DLEU7: variants seen among roughly 807,000 people sequenced by gnomAD.
DLEU7 encodes the protein deleted in lymphocytic leukemia 7.
Under a neutral mutation model 16.0 loss-of-function variants are expected in DLEU7, and 17 were observed. The ratio of observed to expected loss-of-function variants is 1.06; its 90% CI spans 0.73 to 1.59. The LOEUF is 1.59. Among genes scored for constraint, DLEU7 ranks in the 40% most tolerant of loss-of-function variants. The pLI is 0.00. For missense variants in DLEU7, 308 were observed against 314.9 expected (o/e 0.98, Z 0.17); for synonymous variants, 113 against 139.8 (o/e 0.81, Z 1.35).
At chr13:50,814,235 A>G (rs1387542245) in intron 1 of DLEU7, among the ~76,000 whole-genome samples, 1 of 152,108 alleles carries the variant, frequency 6.6e-6, no homozygotes, top group Non-Finnish European at 1.5e-5. Flanking sequence ...CTACAAGGTA[A>G]TCCAGTCTCA....
In DLEU7 at chr13:50,739,214, G is replaced by C. The variant is rs545313904; in HGVS notation, c.460-25974C>G. 5.3e-5 allele frequency among the ~76,000 whole-genome samples: 8 copies of C among 152,224 alleles called. No individual in the cohort carries two copies. In the East Asian group the frequency reaches 1.5e-3, roughly 29 times the overall value. ...AGTAAATTCTTCTCGGACCTCTCAG[G>C]CTGGGTTGCTTCCCTTTTTTTCTTC... On this transcript the variant is annotated intron_variant, in intron 1 of 1. Transcript: ENST00000400393.
At chr13:50,775,160 T>C (rs939968812) in intron 1 of DLEU7, among the ~76,000 whole-genome samples, 4 of 151,944 alleles carry the variant, frequency 2.6e-5, no homozygotes, top group Non-Finnish European at 5.9e-5. Flanking sequence ...GTAAGTCTAA[T>C]AAATTTTAAT....
intron 1 of DLEU7, chr13:50,713,322 C>T: frequency 6.6e-7 from 1 of 1,513,528 alleles, no homozygotes; most frequent in Non-Finnish European, 9.0e-7. Context: ...TTACTGAGCA[C>T]TATATTGCAT....
At position 50,787,807 on chromosome 13, in the gene DLEU7, C is replaced by A. The variant is rs532949188; in HGVS notation, c.459+55381G>T. Among the ~76,000 whole-genome samples, 18 of 152,162 alleles carry A rather than the reference C, an allele frequency of 1.2e-4. No individual in the cohort carries two copies. In the East Asian group the frequency reaches 3.5e-3, roughly 30 times the overall value. On this transcript the variant is annotated intron_variant, in intron 1 of 1. Coordinates refer to the DLEU7 transcript ENST00000400393. ...CAGACCAGTTCCACCCCCATCTCCC[C>A]GATGGACTCTGTGGCCTCACTCTCC...
intron 1 of DLEU7, among the ~76,000 whole-genome samples, chr13:50,732,808 T>G (rs1334785832): frequency 6.6e-6 from 1 of 152,156 alleles, no homozygotes; most frequent in East Asian, 1.9e-4. Flanking sequence ...CAAGCCTTTG[T>G]CATCTGCCAA....
At chr13:50,771,456 A>G (rs925514133) in intron 1 of DLEU7, among the ~76,000 whole-genome samples, 7 of 152,190 alleles carry the variant, frequency 4.6e-5, no homozygotes, top group African/African-American at 1.2e-4. Flanking sequence ...AGATTATGGT[A>G]TGTTGTGTTG....
chr13:50,782,262 G>T (rs1030718793), intron 1 of DLEU7, among the ~76,000 whole-genome samples: 17 of 152,134 alleles, frequency 1.1e-4, no homozygotes, highest in African/African-American at 3.9e-4. Flanking sequence ...GACTGGCATG[G>T]TTCCTGAAAC....
intron 1 of DLEU7, among the ~76,000 whole-genome samples, chr13:50,778,874 GTTAGC>G (rs1193218512): frequency 2.0e-5 from 3 of 152,212 alleles, no homozygotes; most frequent in Non-Finnish European, 2.9e-5. Flanking sequence ...TGTTTAATAA[GTTAGC>G]TATGTTAAGC....
chr13:50,726,911 TATC>T lies in DLEU7; in HGVS notation c.460-13674_460-13672del, dbSNP rs1259841993. On this transcript the variant is annotated intron_variant, in intron 1 of 1. Coordinates refer to the DLEU7 transcript ENST00000400393. This position sits in a 1 kb window ranked among gnomAD's most constrained non-coding sequence, Gnocchi z 4.0. ...CAATTAATCCAGTTAATCTTTTTCT[TATC>T]AGCAAGAGGCAAGAGGAAAGTGGGG... 3.9e-5 allele frequency among the ~76,000 whole-genome samples: 6 copies of T among 152,302 alleles called. No individual in the cohort carries two copies. The highest frequency in any genetic ancestry group is 3.3e-4 in the Admixed American group (5 of 15,298).
chr13:50,811,087 C>A (rs578188095), intron 1 of DLEU7, among the ~76,000 whole-genome samples: 2 of 152,102 alleles, frequency 1.3e-5, no homozygotes, highest in Admixed American at 6.6e-5. Context: ...TGTGTGCATG[C>A]GTGGCAGCTG....
intron 1 of DLEU7, among the ~76,000 whole-genome samples, chr13:50,813,580 AT>A (rs932734309): frequency 5.9e-5 from 9 of 152,092 alleles, no homozygotes; most frequent in Admixed American, 2.0e-4. Flanking sequence ...AGCAAATGTC[AT>A]TTTTTGATCT....
chr13:50,810,857 G>A lies in DLEU7; in HGVS notation c.459+32331C>T, dbSNP rs535960632. Among the ~76,000 whole-genome samples the A allele has an allele frequency of 5.3e-5, 8 of 152,266 alleles. 1 individual carries two copies. In the South Asian group the frequency reaches 1.7e-3, roughly 32 times the overall value. ...ATTCTTAAATCTTTAAAGCCCAGTG[G>A]AATTTCAAAGAGCTTAATGATGTTT... On this transcript the variant is annotated intron_variant, in intron 1 of 1. Transcript: ENST00000400393.
chr13:50,808,329 A>G (rs1364525237), intron 1 of DLEU7, among the ~76,000 whole-genome samples: 1 of 152,154 alleles, frequency 6.6e-6, no homozygotes. Flanking sequence ...TGGGGCATCC[A>G]TGTAAGAATA....
intron 1 of DLEU7, chr13:50,713,361 A>G: frequency 8.3e-7 from 1 of 1,211,670 alleles, no homozygotes; most frequent in East Asian, 2.6e-5. Flanking sequence ...TACTGGAGAT[A>G]TGGGCTAACA....
At chr13:50,738,571 A>G (rs1469685868) in intron 1 of DLEU7, among the ~76,000 whole-genome samples, 1 of 152,158 alleles carries the variant, frequency 6.6e-6, no homozygotes, top group Non-Finnish European at 1.5e-5. Flanking sequence ...AATGACAAGA[A>G]CCTGCCTGAT....
At chr13:50,792,661 C>A (rs540857628) in intron 1 of DLEU7, among the ~76,000 whole-genome samples, 1 of 152,082 alleles carries the variant, frequency 6.6e-6, no homozygotes, top group Admixed American at 6.6e-5. Flanking sequence ...TAATGGTGTG[C>A]GCACTGTTTT....
downstream of DLEU7, among the ~76,000 whole-genome samples, chr13:50,821,006 T>C (rs1389527414): frequency 6.6e-6 from 1 of 152,132 alleles, no homozygotes; most frequent in African/African-American, 2.4e-5. Flanking sequence ...TTTTAAGTGC[T>C]CAGTAGCCAC....
chr13:50,811,775 T>C lies in DLEU7; in HGVS notation c.459+31413A>G, dbSNP rs565151885. 3.0e-4 allele frequency among the ~76,000 whole-genome samples: 46 copies of C among 152,222 alleles called. No homozygotes were observed. In the South Asian group the frequency reaches 9.5e-3, roughly 32 times the overall value. On this transcript the variant is annotated intron_variant, in intron 1 of 1. Transcript: ENST00000400393. The stretch of plus-strand genomic sequence containing the variant: ...AACTGGACTTGTCTTCATATTTAAA[T>C]GCCTGTAAGATGTCTGGGCATGGTG...
At chr13:50,839,615 C>T (rs2137817618) in intron 1 of DLEU7, among the ~76,000 whole-genome samples, 1 of 152,272 alleles carries the variant, frequency 6.6e-6, no homozygotes, top group South Asian at 2.1e-4. Context: ...TAAAGCTGAC[C>T]TCTAGATAGT....
Sources: gnomAD v4.1 joint callset for allele counts (sites outside exome capture counted in the v4.1 genomes callset) on GRCh38, gnomAD v4.1.1 for gene constraint, Gnocchi (gnomAD v3.1) non-coding constraint, MANE v1.5 for transcripts, NCBI Gene and HGNC (gene_info 2026-07-23, HGNC 2026-07-21) for gene names.